The following BCO1 variants were observed in gnomAD, a reference collection of about 807,000 sequenced individuals.
BCO1 encodes beta,beta-carotene 15,15'-dioxygenase.
Under a neutral mutation model 56.3 loss-of-function variants are expected in BCO1, and 54 were observed. The observed-to-expected ratio is 0.96, with a 90% CI of 0.77 to 1.20. BCO1 has a LOEUF of 1.20. Among genes scored for constraint, BCO1 ranks in the 50% most tolerant of loss-of-function variants. BCO1 has a pLI of 0.00. For missense variants in BCO1, 801 were observed against 690.9 expected (o/e 1.16, Z -1.79); for synonymous variants, 318 against 266.1 (o/e 1.20, Z -1.90).
chr16:81,244,245 G>T (rs895748347), intron 1 of BCO1, among the ~76,000 whole-genome samples: 2 of 152,218 alleles, frequency 1.3e-5, no homozygotes, highest in Admixed American at 1.3e-4. Flanking sequence ...TGCCTCTAGA[G>T]CAGGGCTGTC....
At chr16:81,274,592 C>G (rs1353577183) in intron 7 of BCO1, among the ~76,000 whole-genome samples, 3 of 151,396 alleles carry the variant, frequency 2.0e-5, no homozygotes, top group Non-Finnish European at 4.4e-5. Flanking sequence ...TAAAAGCCAT[C>G]AGGTGTTCAG....
intron 2 of BCO1, among the ~76,000 whole-genome samples, chr16:81,246,905 A>G (rs1905460714): frequency 6.6e-6 from 1 of 151,470 alleles, no homozygotes; most frequent in Admixed American, 6.6e-5. Flanking sequence ...AGCTGCATAT[A>G]TTGCCCATTA....
At chr16:81,259,854 T>C (rs1397694473) in intron 3 of BCO1, 49 bp downstream of exon 3, 4 of 1,609,918 alleles carry the variant, frequency 2.5e-6, no homozygotes, top group African/African-American at 2.7e-5. Context: ...TTTGCTATCC[T>C]TGATGGCTGA....
At chr16:81,252,973 G>T (rs1258054016) in intron 2 of BCO1, among the ~76,000 whole-genome samples, 2 of 152,116 alleles carry the variant, frequency 1.3e-5, no homozygotes, top group Non-Finnish European at 1.5e-5. Context: ...GCCAGGCATG[G>T]TGGCAGGCAC....
At position 81,250,873 on chromosome 16, in the gene BCO1, G is replaced by A. The variant is rs547527490; in HGVS notation, c.193+5270G>A. On this transcript the variant is annotated intron_variant, in intron 2 of 10. Transcript: ENST00000258168. ...TGGGATGACAAGTGTGAGCCACCGC[G>A]TCTGGCCATTCAGTAAAGCTTTGAA... Among the ~76,000 whole-genome samples the A allele has an allele frequency of 4.6e-5, 7 of 152,252 alleles. No individual in the cohort carries two copies. The East Asian group carries it at 5.8e-4, about 13-fold the overall frequency.
chr16:81,244,096 G>C (rs529163893), intron 1 of BCO1, among the ~76,000 whole-genome samples: 2 of 152,206 alleles, frequency 1.3e-5, no homozygotes, highest in Non-Finnish European at 2.9e-5. Context: ...CCTGCATGTA[G>C]GCAAAGCCTG....
At chr16:81,274,524 A>G (rs1325338031) in intron 7 of BCO1, among the ~76,000 whole-genome samples, 1 of 152,052 alleles carries the variant, frequency 6.6e-6, no homozygotes, top group Non-Finnish European at 1.5e-5. Context: ...TCAGCCTTCC[A>G]AAGTGCTGGG....
At chr16:81,287,230 T>C (rs1255105060) in intron 9 of BCO1, 65 bp from the exon 10 acceptor site, 3 of 1,233,118 alleles carry the variant, frequency 2.4e-6, no homozygotes, top group Non-Finnish European at 3.6e-6. Context: ...CATGCACTCC[T>C]ATTTGCAGAG....
At chr16:81,281,338 C>T (rs930237361) in intron 8 of BCO1, among the ~76,000 whole-genome samples, 1 of 152,066 alleles carries the variant, frequency 6.6e-6, no homozygotes, top group Non-Finnish European at 1.5e-5. Flanking sequence ...CCCAGCTACT[C>T]AGGAGGCTGA....
At chr16:81,268,172 AC>A in intron 6 of BCO1, 41 bp downstream of exon 6, 1 of 1,560,914 alleles carries the variant, frequency 6.4e-7, no homozygotes, top group Non-Finnish European at 8.7e-7. Flanking sequence ...GTGCTGGCTG[AC>A]CATGGAGGGA....
At chr16:81,265,204 T>TCACCCATCCACCATCCGTC in intron 5 of BCO1, among the ~76,000 whole-genome samples, 1 of 150,174 alleles carries the variant, frequency 6.7e-6, no homozygotes, top group African/African-American at 2.5e-5. Context: ...CACCTATCCA[T>TCACCCATCCACCATCCGTC]CACCCATCCA....
At chr16:81,263,314 G>A (rs1906615698) in intron 4 of BCO1, 2 of 152,088 alleles carry the variant, frequency 1.3e-5, no homozygotes, top group South Asian at 4.1e-4. Context: ...GTTTCACCGT[G>A]TTAGCCAGGC....
chr16:81,247,292 T>A (rs10871410), intron 2 of BCO1, among the ~76,000 whole-genome samples: 1 of 151,952 alleles, frequency 6.6e-6, no homozygotes, highest in South Asian at 2.1e-4. Flanking sequence ...CATCCTCCCC[T>A]GGAGAGCTGT....
chr16:81,266,104 A>G (rs1906811936), intron 5 of BCO1, among the ~76,000 whole-genome samples: 1 of 152,028 alleles, frequency 6.6e-6, no homozygotes, highest in Admixed American at 6.6e-5. Flanking sequence ...AGGTTATGCC[A>G]CCTACTTTCA....
At chr16:81,259,620 A>AT (rs1246878107) in intron 2 of BCO1, 56 bp from the exon 3 acceptor site, 19 of 1,612,852 alleles carry the variant, frequency 1.2e-5, no homozygotes, top group South Asian at 3.3e-5. Context: ...ACTGACATTG[A>AT]TTTTAAAGCC....
At position 81,238,935 on chromosome 16, in the gene BCO1, G is replaced by C. The variant is rs770468926; in HGVS notation, c.27G>C (p.Arg9Ser). ...TGGATATAATATTTGGCAGGAATAGGAAAGAACAGCTGGAGCCTGTGAGGG... is the reference window on the plus strand; with the variant it reads ...TGGATATAATATTTGGCAGGAATAGCAAAGAACAGCTGGAGCCTGTGAGGG... MDIIFGRN[R>S]KEQLEPVRAK... Residue 9 changes from arginine to serine, a missense_variant, in exon 1 of 11, where the codon AGG becomes AGC. Physicochemically the swap from Arg to Ser is moderately radical, Grantham distance 110. Transcript: ENST00000258168. 43 of 1,613,978 alleles carry C rather than the reference G, an allele frequency of 2.7e-5. No homozygotes were observed. Among genetic ancestry groups the C allele is most frequent in the Non-Finnish European group, 3.6e-5 (42 of 1,180,026 alleles).
At chr16:81,246,593 G>A (rs927756341) in intron 2 of BCO1, among the ~76,000 whole-genome samples, 1 of 138,312 alleles carries the variant, frequency 7.2e-6, no homozygotes, top group African/African-American at 2.6e-5. Flanking sequence ...GCTCATGCCT[G>A]TAATTCCATC....
In BCO1 at chr16:81,282,282, G is replaced by A. The variant is rs566541457; in HGVS notation, c.1207+1320G>A. 1.8e-3 allele frequency among the ~76,000 whole-genome samples: 278 copies of A among 152,276 alleles called. 1 individual carries two copies. Among genetic ancestry groups the A allele is most frequent in the African/African-American group, 6.4e-3 (268 of 41,562 alleles). On this transcript the variant is annotated intron_variant, in intron 8 of 10. Transcript: ENST00000258168. ...AATCCATAATCCCAGCTACTCAGGAGGTTGTGGCAGGAGAATTGCTTGAAC... is the reference window on the plus strand; with the variant it reads ...AATCCATAATCCCAGCTACTCAGGAAGTTGTGGCAGGAGAATTGCTTGAAC...
chr16:81,271,994 C>T (rs1311363147), intron 7 of BCO1, among the ~76,000 whole-genome samples: 1 of 152,122 alleles, frequency 6.6e-6, no homozygotes, highest in African/African-American at 2.4e-5. Context: ...CAATCTGCCC[C>T]CCTACGTCTC....
Sources: allele counts gnomAD v4.1 joint callset (sites outside exome capture counted in the v4.1 genomes callset), GRCh38; gene constraint gnomAD v4.1.1; transcripts MANE v1.5; gene names NCBI Gene and HGNC (gene_info 2026-07-23, HGNC 2026-07-21).